Variants in HS6ST3 observed in about 807,000 individuals in gnomAD.
HS6ST3 encodes the protein heparan sulfate 6-O-sulfotransferase 3.
HS6ST3 carries 12 observed loss-of-function variants against 36.7 expected under a neutral mutation model. That is an observed-to-expected ratio of 0.33 (90% confidence interval 0.21 to 0.53). The LOEUF (loss-of-function observed/expected upper bound fraction) is 0.53, where lower values mean the gene tolerates loss of function less well. Among genes scored for constraint, HS6ST3 ranks in the 20% least tolerant of loss-of-function variants. The pLI is 0.95. For synonymous variants in HS6ST3, 240 were observed against 257.5 expected, an observed-to-expected ratio of 0.93 and a Z score of 0.65; for missense variants, 584 against 640.9, an observed-to-expected ratio of 0.91 and a Z score of 0.96.
intron 1 of HS6ST3, among the ~76,000 whole-genome samples, chr13:96,429,758 T>A (rs1362017492): frequency 6.6e-6 from 1 of 152,206 alleles, no homozygotes; most frequent in Non-Finnish European, 1.5e-5. Flanking sequence ...AAGCAGATAG[T>A]CTGTAGGTTC....
intron 1 of HS6ST3, among the ~76,000 whole-genome samples, chr13:96,528,346 T>C (rs1270453187): frequency 6.6e-6 from 1 of 152,166 alleles, no homozygotes; most frequent in African/African-American, 2.4e-5. Flanking sequence ...CCTATTCACT[T>C]TGAGGAAAAC....
chr13:96,707,766 T>C lies in HS6ST3; in HGVS notation c.708-124724T>C, dbSNP rs148901917. 1.6e-3 allele frequency among the ~76,000 whole-genome samples: 250 copies of C among 152,332 alleles called. 4 individuals carry two copies. The highest frequency in any genetic ancestry group is 0.014 in the Admixed American group (217 of 15,302). The stretch of plus-strand genomic sequence containing the variant: ...CTGACAATCCTAGTTCTCATGTACA[T>C]GTAGAAAGAATGGAAGATGAATCTG... On this transcript the variant is annotated intron_variant, in intron 1 of 1. Transcript: ENST00000376705.
chr13:96,186,122 AT>A (rs1221964644), intron 1 of HS6ST3, among the ~76,000 whole-genome samples: 14 of 152,082 alleles, frequency 9.2e-5, no homozygotes, highest in South Asian at 8.3e-4. Flanking sequence ...CATATATATA[AT>A]TTTTTTTCCC....
At chr13:96,531,468 C>A (rs2056135146) in intron 1 of HS6ST3, among the ~76,000 whole-genome samples, 1 of 152,106 alleles carries the variant, frequency 6.6e-6, no homozygotes, top group Admixed American at 6.5e-5. Context: ...AATGTTCTGT[C>A]TTTGTATTGG....
intron 1 of HS6ST3, among the ~76,000 whole-genome samples, chr13:96,376,125 C>A (rs2055313514): frequency 6.6e-6 from 1 of 152,094 alleles, no homozygotes; most frequent in Non-Finnish European, 1.5e-5. Context: ...GTCGTAAGAG[C>A]AGATGGAGTT....
intron 1 of HS6ST3, among the ~76,000 whole-genome samples, chr13:96,642,371 T>C (rs1174832064): frequency 6.6e-6 from 1 of 151,918 alleles, no homozygotes; most frequent in Non-Finnish European, 1.5e-5. Flanking sequence ...ATGCATCATT[T>C]TGAATTTATC....
At chr13:96,157,600 G>A (rs1013016957) in intron 1 of HS6ST3, among the ~76,000 whole-genome samples, 1 of 152,176 alleles carries the variant, frequency 6.6e-6, no homozygotes, top group Non-Finnish European at 1.5e-5. Flanking sequence ...GGAAACTGGT[G>A]TGCTCAAGAG....
chr13:96,587,618 G>C (rs1386272408), intron 1 of HS6ST3, among the ~76,000 whole-genome samples: 1 of 152,168 alleles, frequency 6.6e-6, no homozygotes, highest in Non-Finnish European at 1.5e-5. Flanking sequence ...AAATCCAACA[G>C]GTGGCTTCAC....
At chr13:96,677,775 T>C (rs2056703907) in intron 1 of HS6ST3, among the ~76,000 whole-genome samples, 1 of 152,204 alleles carries the variant, frequency 6.6e-6, no homozygotes, top group Admixed American at 6.5e-5. Flanking sequence ...TTCTCTCCTC[T>C]AGAATTTGCA....
At chr13:96,363,314 G>A (rs150110515) in intron 1 of HS6ST3, among the ~76,000 whole-genome samples, 1 of 147,948 alleles carries the variant, frequency 6.8e-6, no homozygotes, top group Non-Finnish European at 1.5e-5. Context: ...GCAACATTCT[G>A]TGAGTCTATA....
At chr13:96,407,122 T>C (rs1178420145) in intron 1 of HS6ST3, among the ~76,000 whole-genome samples, 1 of 152,134 alleles carries the variant, frequency 6.6e-6, no homozygotes, top group Non-Finnish European at 1.5e-5. Flanking sequence ...ATGTATTTGT[T>C]AATATTAAAA....
At chr13:96,244,388 G>C (rs956562667) in intron 1 of HS6ST3, among the ~76,000 whole-genome samples, 1 of 152,092 alleles carries the variant, frequency 6.6e-6, no homozygotes, top group African/African-American at 2.4e-5. Context: ...AGTCTTGTTT[G>C]CATTTGCAGA....
At chr13:96,146,306 T>C (rs1489295349) in intron 1 of HS6ST3, among the ~76,000 whole-genome samples, 1 of 152,222 alleles carries the variant, frequency 6.6e-6, no homozygotes, top group East Asian at 1.9e-4. Context: ...GTTTTTCCGT[T>C]TGTTTGTATC....
chr13:96,571,995 A>G (rs896542109), intron 1 of HS6ST3, among the ~76,000 whole-genome samples: 1 of 152,214 alleles, frequency 6.6e-6, no homozygotes, highest in African/African-American at 2.4e-5. Flanking sequence ...AGACCTTGGC[A>G]ATGCAAAATG....
At chr13:96,490,518 A>G (rs766641312) in intron 1 of HS6ST3, among the ~76,000 whole-genome samples, 2 of 152,176 alleles carry the variant, frequency 1.3e-5, no homozygotes, top group East Asian at 1.9e-4. Context: ...TGAGATGACT[A>G]TTTTGCATTG....
At chr13:96,137,469 T>C (rs1159271550) in intron 1 of HS6ST3, among the ~76,000 whole-genome samples, 4 of 148,680 alleles carry the variant, frequency 2.7e-5, no homozygotes, top group African/African-American at 5.0e-5. Flanking sequence ...AGTCTCGCTC[T>C]GTCACCCAGG....
intron 1 of HS6ST3, among the ~76,000 whole-genome samples, chr13:96,473,734 G>A (rs1012975): frequency 0.3 from 45,263 of 151,992 alleles, 8,410 homozygotes; most frequent in Non-Finnish European, 0.41. Flanking sequence ...AGGTCGAGTC[G>A]GGAAAAGGGT....
chr13:96,379,402 G>C (rs947592372), intron 1 of HS6ST3, among the ~76,000 whole-genome samples: 2 of 152,136 alleles, frequency 1.3e-5, no homozygotes, highest in African/African-American at 4.8e-5. Context: ...CCTCCTGCGA[G>C]GACACAGTGA....
intron 1 of HS6ST3, among the ~76,000 whole-genome samples, chr13:96,279,437 A>T (rs574365304): frequency 2.1e-4 from 32 of 152,310 alleles, no homozygotes; most frequent in Non-Finnish European, 3.7e-4. Flanking sequence ...TATAGACGTT[A>T]AACAAATAGC....
Sources: allele counts gnomAD v4.1 joint callset (sites outside exome capture counted in the v4.1 genomes callset), GRCh38; gene constraint gnomAD v4.1.1; transcripts MANE v1.5; gene names NCBI Gene and HGNC (gene_info 2026-07-23, HGNC 2026-07-21).